The following FNDC3B variants were observed in gnomAD, a reference collection of about 807,000 sequenced individuals.
FNDC3B encodes fibronectin type III domain-containing protein 3B.
FNDC3B carries 12 observed loss-of-function variants against 151.5 expected under a neutral mutation model. The ratio of observed to expected loss-of-function variants is 0.08; its 90% confidence interval spans 0.05 to 0.13. The LOEUF (loss-of-function observed/expected upper bound fraction) is 0.13. FNDC3B is among the 10% of genes least tolerant of loss of function. The pLI is 1.00. For missense variants in FNDC3B, 1,214 were observed against 1,505.3 expected, an observed-to-expected ratio of 0.81 and a Z score of 3.20; for synonymous variants, 528 against 549.0, an observed-to-expected ratio of 0.96 and a Z score of 0.54.
chr3:172,213,333 G>A (rs373789418), intron 3 of FNDC3B, among the ~76,000 whole-genome samples: 2 of 152,210 alleles, frequency 1.3e-5, no homozygotes, highest in African/African-American at 4.8e-5. Context: ...CAGGCCATGT[G>A]AGCATACGCA....
At chr3:172,240,507 A>G (rs549789191) in intron 4 of FNDC3B, among the ~76,000 whole-genome samples, 1 of 152,336 alleles carries the variant, frequency 6.6e-6, no homozygotes, top group South Asian at 2.1e-4. Context: ...TAACTCAGGT[A>G]TCCTAATTCT....
At chr3:172,084,459 AT>A (rs1195644695) in intron 1 of FNDC3B, among the ~76,000 whole-genome samples, 16 of 149,696 alleles carry the variant, frequency 1.1e-4, no homozygotes, top group African/African-American at 3.0e-4. Flanking sequence ...CAAAAAAAAA[AT>A]ATGTATATGT....
chr3:172,370,725 G>A (rs1490192653), intron 23 of FNDC3B, among the ~76,000 whole-genome samples: 2 of 152,236 alleles, frequency 1.3e-5, no homozygotes, highest in African/African-American at 4.8e-5. Flanking sequence ...CCGGCAAGCA[G>A]AATAAAATAA....
In FNDC3B at chr3:172,353,082, C is replaced by T. The variant is rs373434503; in HGVS notation, c.2794C>T (p.Arg932Trp). Residue 932 changes from arginine to tryptophan, a missense_variant and splice_region_variant, in exon 22 of 26, where the codon CGG (arginine) becomes TGG (tryptophan). This residue lies in a region of FNDC3B where 284 missense variants were observed against 392.4 expected (regional missense o/e 0.72). Transcript: ENST00000415807. ...MKDLLPETTY[R>W]IRIQAINEIG... ...AGATCTCCTTCCAGAAACCACCTAC[C>T]GGTGAGTGCAAGGGAGTAGAAATCT... The T allele has an allele frequency of 1.7e-5, 27 of 1,613,168 alleles. No individual in the cohort carries two copies. The highest frequency in any genetic ancestry group is 5.3e-5 in the African/African-American group (4 of 74,912).
intron 11 of FNDC3B, among the ~76,000 whole-genome samples, chr3:172,317,555 A>G (rs1731870476): frequency 6.6e-6 from 1 of 152,208 alleles, no homozygotes; most frequent in South Asian, 2.1e-4. Flanking sequence ...TACTCATGGT[A>G]TACCCCAAGC....
intron 6 of FNDC3B, among the ~76,000 whole-genome samples, chr3:172,266,287 G>T (rs1473943546): frequency 6.6e-6 from 1 of 152,074 alleles, no homozygotes; most frequent in East Asian, 1.9e-4. Flanking sequence ...CTTCTGATGG[G>T]CTCTGTGTTT....
At chr3:172,192,427 C>T (rs1050524703) in intron 3 of FNDC3B, among the ~76,000 whole-genome samples, 4 of 151,734 alleles carry the variant, frequency 2.6e-5, no homozygotes, top group Non-Finnish European at 5.9e-5. Context: ...CCTTGTGATC[C>T]GCCCGCCTCG....
intron 3 of FNDC3B, among the ~76,000 whole-genome samples, chr3:172,208,310 A>G (rs1725534360): frequency 6.6e-6 from 1 of 152,210 alleles, no homozygotes; most frequent in South Asian, 2.1e-4. Context: ...GAGCAATTTA[A>G]TAGATTAGGT....
chr3:172,070,352 T>C (rs1717707706), intron 1 of FNDC3B, among the ~76,000 whole-genome samples: 1 of 152,148 alleles, frequency 6.6e-6, no homozygotes, highest in Non-Finnish European at 1.5e-5. Flanking sequence ...AATTATGATA[T>C]CAAAATAAGA....
chr3:172,183,403 T>C (rs1449689668), intron 3 of FNDC3B, among the ~76,000 whole-genome samples: 1 of 152,194 alleles, frequency 6.6e-6, no homozygotes, highest in African/African-American at 2.4e-5. Flanking sequence ...ATTAACATGA[T>C]TTGCTTAACT....
At chr3:172,280,439 C>G (rs1219007162) in intron 6 of FNDC3B, among the ~76,000 whole-genome samples, 4 of 152,124 alleles carry the variant, frequency 2.6e-5, no homozygotes, top group Non-Finnish European at 5.9e-5. Context: ...TGATCAGAAG[C>G]CACACATTTT....
chr3:172,249,732 G>C (rs1727970240), intron 5 of FNDC3B, among the ~76,000 whole-genome samples: 2 of 152,146 alleles, frequency 1.3e-5, no homozygotes, highest in Admixed American at 6.5e-5. Context: ...CACACTCTCT[G>C]AATAGGATTA....
chr3:172,361,504 G>T (rs997438949), intron 22 of FNDC3B, among the ~76,000 whole-genome samples: 3 of 152,162 alleles, frequency 2.0e-5, no homozygotes, highest in African/African-American at 7.2e-5. Context: ...ATGCAGCCAA[G>T]TTCTTTGCTC....
rs1415008863 is a variant in FNDC3B at position 172,040,203 on chromosome 3, G to A, written c.-29+432G>A. 6.6e-6 allele frequency among the ~76,000 whole-genome samples: 1 copy of A among 152,230 alleles called. No homozygotes were observed. The highest frequency in any genetic ancestry group is 6.5e-5 in the Admixed American group (1 of 15,290). ...GAACGCTGCCCAGGAGGGGGAGGGC[G>A]GGCGGCGAGGCCGAGGAATCTTCGA... On this transcript the variant is annotated intron_variant, in intron 1 of 25. Transcript: ENST00000415807. The surrounding 1 kb of genome is among the most constrained non-coding windows in gnomAD (Gnocchi z 6.6).
At chr3:172,260,056 CT>C (rs941805846) in intron 6 of FNDC3B, among the ~76,000 whole-genome samples, 2 of 152,126 alleles carry the variant, frequency 1.3e-5, no homozygotes, top group African/African-American at 4.8e-5. Context: ...TTTTCTCTGC[CT>C]TTTTGCTTTC....
intron 1 of FNDC3B, among the ~76,000 whole-genome samples, chr3:172,053,470 G>C (rs1382227143): frequency 1.3e-5 from 2 of 151,922 alleles, no homozygotes. Flanking sequence ...CCTGTCTATT[G>C]TCTAGAAAAC....
intron 8 of FNDC3B, among the ~76,000 whole-genome samples, chr3:172,296,036 C>A (rs185680990): frequency 6.6e-6 from 1 of 152,128 alleles, no homozygotes; most frequent in Non-Finnish European, 1.5e-5. Flanking sequence ...AGGGATTAGC[C>A]CCTTCTGCTC....
intron 19 of FNDC3B, chr3:172,346,041 A>G (rs1028154721): frequency 5.3e-6 from 1 of 187,182 alleles, no homozygotes; most frequent in Non-Finnish European, 1.1e-5. Flanking sequence ...AAAAATCAGC[A>G]TATTTTTATT....
chr3:172,133,896 G>A (rs2094264803), intron 3 of FNDC3B, among the ~76,000 whole-genome samples: 1 of 152,148 alleles, frequency 6.6e-6, no homozygotes, highest in South Asian at 2.1e-4. Flanking sequence ...GAGAAGTGGA[G>A]GGAGCTTATG....
Sources: allele counts gnomAD v4.1 joint callset (sites outside exome capture counted in the v4.1 genomes callset), GRCh38; gene constraint gnomAD v4.1.1; regional missense constraint gnomAD v4.1.1; non-coding constraint Gnocchi (gnomAD v3.1); transcripts MANE v1.5; gene names NCBI Gene and HGNC (gene_info 2026-07-23, HGNC 2026-07-21).